ALPK2: variants seen among roughly 807,000 people sequenced by gnomAD.
The protein encoded by ALPK2 is alpha-protein kinase 2.
A neutral mutation model predicts 163.1 loss-of-function variants in ALPK2; 127 were observed. The observed-to-expected ratio is 0.78, with a 90% CI of 0.67 to 0.90. The LOEUF (loss-of-function observed/expected upper bound fraction) is 0.90, where lower values mean the gene tolerates loss of function less well. Among genes scored for constraint, ALPK2 ranks in the 40% least tolerant of loss-of-function variants. ALPK2 has a pLI of 0.00. For missense variants in ALPK2, 2,360 were observed against 2,589.6 expected (o/e 0.91, Z 1.92); for synonymous variants, 953 against 959.1 (o/e 0.99, Z 0.12).
chr18:58,497,928 AT>A, intron 12 of ALPK2, 120 bp downstream of exon 12: 1 of 840,384 alleles, frequency 1.2e-6, no homozygotes, highest in Non-Finnish European at 2.0e-6. Context: ...TTCCAAGAAC[AT>A]TCGTCATCCA....
At position 58,621,222 on chromosome 18, in the gene ALPK2, G is replaced by A. The variant is rs942485676; in HGVS notation, c.-21+7542C>T. On this transcript the variant is annotated intron_variant, in intron 1 of 12. Transcript: ENST00000361673. ...AATGCACTGATATGGAATAATCTCC[G>A]GGATACATTAAATGAAATAAACAAT... is the stretch of plus-strand genomic sequence containing the variant. Among the ~76,000 whole-genome samples the A allele has an allele frequency of 4.6e-5, 7 of 150,864 alleles. No homozygotes were observed. The East Asian group carries it at 9.7e-4, about 21-fold the overall frequency.
chr18:58,519,929 C>G (rs2051540928), intron 8 of ALPK2, among the ~76,000 whole-genome samples: 1 of 152,180 alleles, frequency 6.6e-6, no homozygotes, highest in Non-Finnish European at 1.5e-5. Flanking sequence ...ATCCTTTAGA[C>G]CAATCTCTTC....
At chr18:58,549,423 A>G (rs1345354459) in intron 4 of ALPK2, among the ~76,000 whole-genome samples, 1 of 152,212 alleles carries the variant, frequency 6.6e-6, no homozygotes, top group Admixed American at 6.5e-5. Context: ...TTGTAGATGG[A>G]AGGAAAAATA....
intron 4 of ALPK2, among the ~76,000 whole-genome samples, chr18:58,551,110 G>GAAA (rs34939805): frequency 3.3e-3 from 477 of 146,692 alleles, no homozygotes; most frequent in African/African-American, 0.011. Context: ...AACAAAAATG[G>GAAA]AAAAAAAAAA....
chr18:58,568,021 A>G (rs1383239623), intron 4 of ALPK2, among the ~76,000 whole-genome samples: 1 of 152,196 alleles, frequency 6.6e-6, no homozygotes, highest in Admixed American at 6.5e-5. Flanking sequence ...AATATCTGCC[A>G]TGGTGGCCTC....
At chr18:58,507,241 A>T (rs914827539) in intron 10 of ALPK2, among the ~76,000 whole-genome samples, 1 of 152,224 alleles carries the variant, frequency 6.6e-6, no homozygotes, top group African/African-American at 2.4e-5. Context: ...CCAAGTGATC[A>T]GAGTGAAATG....
rs2051949387 is a variant in ALPK2 at position 58,580,111 on chromosome 18, T to C, written c.665A>G (p.His222Arg). 1 of 1,614,270 alleles carries C rather than the reference T, an allele frequency of 6.2e-7. No homozygotes were observed. The highest frequency in any genetic ancestry group is 1.1e-5 in the South Asian group (1 of 91,086). ...ACATCTGTCTTGTTTTTCATAAATA[T>C]GACTTGAATTAAGAAAAAGCAACCC... is the stretch of plus-strand genomic sequence containing the variant. Reference protein sequence around the residue: ...ANGLLFLNSSHIYEKQDRCCH... With the variant: ...ANGLLFLNSSRIYEKQDRCCH... Residue 222 changes from histidine (H) to arginine (R), a missense_variant, in exon 4 of 13, where the codon CAT (histidine) becomes CGT (arginine). Physicochemically the swap from His to Arg is conservative, Grantham distance 29 (BLOSUM62 0). Coordinates refer to ENST00000361673, the MANE Select transcript of ALPK2 (RefSeq NM_052947.4).
At chr18:58,627,324 CA>C (rs2052237165) in intron 1 of ALPK2, among the ~76,000 whole-genome samples, 1 of 152,122 alleles carries the variant, frequency 6.6e-6, no homozygotes. Flanking sequence ...GTAAAAACAT[CA>C]AAAAGACAAT....
At chr18:58,529,330 T>C (rs552739112) in intron 5 of ALPK2, 92 bp from the exon 6 acceptor site, 231 of 1,298,594 alleles carry the variant, frequency 1.8e-4, no homozygotes, top group Non-Finnish European at 2.3e-4. Flanking sequence ...GACAGGAATA[T>C]TAATTATTAT....
chr18:58,572,540 C>A (rs2051891085), intron 4 of ALPK2, among the ~76,000 whole-genome samples: 1 of 151,894 alleles, frequency 6.6e-6, no homozygotes, highest in East Asian at 1.9e-4. Context: ...TACTACTCAG[C>A]AATAAGAAGG....
chr18:58,561,534 C>T (rs1311943985), intron 4 of ALPK2, among the ~76,000 whole-genome samples: 1 of 152,082 alleles, frequency 6.6e-6, no homozygotes, highest in South Asian at 2.1e-4. Context: ...AGGAGATGAT[C>T]CCAGAAAACA....
chr18:58,559,191 A>G (rs1466389202), intron 4 of ALPK2, among the ~76,000 whole-genome samples: 5 of 152,166 alleles, frequency 3.3e-5, no homozygotes, highest in African/African-American at 4.8e-5. Context: ...TCCCCACCCC[A>G]TGGGACCTGT....
chr18:58,580,098 T>C lies in ALPK2; in HGVS notation c.678A>G (p.Lys226=). Residue 226 remains lysine (K), a synonymous_variant, in exon 4 of 13, where the codon AAA becomes AAG. Transcript: ENST00000361673. The part of the protein sequence containing the change: ...LFLNSSHIYE[K]QDRCCHKTVH... ...CTGTCTTGTGGCAACATCTGTCTTG[T>C]TTTTCATAAATATGACTTGAATTAA... 1 of 1,614,270 alleles carries C rather than the reference T, an allele frequency of 6.2e-7. No individual in the cohort carries two copies. The highest frequency in any genetic ancestry group is 1.1e-5 in the South Asian group (1 of 91,090).
At chr18:58,596,912 C>T (rs1358021431) in intron 3 of ALPK2, among the ~76,000 whole-genome samples, 2 of 152,176 alleles carry the variant, frequency 1.3e-5, no homozygotes, top group Non-Finnish European at 1.5e-5. Flanking sequence ...CCTCAACCCC[C>T]CAGGCCCAAC....
intron 12 of ALPK2, among the ~76,000 whole-genome samples, chr18:58,497,707 G>T (rs947561073): frequency 6.6e-6 from 1 of 152,176 alleles, no homozygotes; most frequent in Non-Finnish European, 1.5e-5. Flanking sequence ...GCTTTTAATA[G>T]TGAAGATATT....
intron 10 of ALPK2, among the ~76,000 whole-genome samples, chr18:58,507,255 G>T (rs2051466519): frequency 6.6e-6 from 1 of 152,190 alleles, no homozygotes; most frequent in Non-Finnish European, 1.5e-5. Context: ...TGAAATGGCG[G>T]CGGGGCAGCT....
Position 58,538,184 on chromosome 18 carries a change from C to G in ALPK2, c.2003G>C (p.Ser668Thr), listed in dbSNP as rs372884260. The part of the protein sequence containing the change: ...QETVRETISC[S>T]QMPAFSEPAG... ...AGGCTCTGAGAAAGCTGGCATCTGG[C>G]TGCAAGAGATTGTCTCTCTGACTGT... is the stretch of plus-strand genomic sequence containing the variant. The change falls in exon 5 of 13, where the codon AGC becomes ACC. Residue 668 changes from serine to threonine, a missense_variant. Ser to Thr is a moderately conservative substitution (Grantham distance 58, BLOSUM62 1). Transcript: ENST00000361673. 4.0e-5 allele frequency: 64 copies of G among 1,612,752 alleles called. No individual in the cohort carries two copies. The highest frequency in any genetic ancestry group is 5.3e-5 in the Non-Finnish European group (63 of 1,180,018).
chr18:58,486,067 A>G (rs1043492458), intron 12 of ALPK2, among the ~76,000 whole-genome samples: 6 of 152,212 alleles, frequency 3.9e-5, no homozygotes, highest in African/African-American at 1.2e-4. Flanking sequence ...CCCCTGTCTA[A>G]TAGTCTCCAC....
In ALPK2 at chr18:58,535,667, C is replaced by G; in HGVS notation, c.4520G>C (p.Gly1507Ala). ...PSEGGERIPSGCSIGQIQESS... is the reference protein window; with the variant it reads ...PSEGGERIPSACSIGQIQESS... ...TTCTTGTATTTGGCCTATGCTACAT[C>G]CACTTGGAATTCTTTCACCGCCTTC... Residue 1507 changes from glycine to alanine, a missense_variant, in exon 5 of 13, where the codon GGA becomes GCA. Transcript: ENST00000361673. 2.5e-6 allele frequency: 4 copies of G among 1,614,248 alleles called. No homozygotes were observed. The highest frequency in any genetic ancestry group is 3.4e-6 in the Non-Finnish European group (4 of 1,180,034).
Sources: gnomAD v4.1 joint callset for allele counts (sites outside exome capture counted in the v4.1 genomes callset) on GRCh38, gnomAD v4.1.1 for gene constraint, MANE v1.5 for transcripts, NCBI Gene and HGNC (gene_info 2026-07-23, HGNC 2026-07-21) for gene names.